The following SLC20A2 variants were observed in gnomAD, a reference collection of about 807,000 sequenced individuals.
SLC20A2 encodes the protein solute carrier family 20 member 2.
In SLC20A2, 30 loss-of-function variants were observed where a neutral mutation model predicts 61.0. That is an observed-to-expected ratio of 0.49 (90% confidence interval 0.37 to 0.67). SLC20A2 has a LOEUF of 0.67. SLC20A2 is among the 30% of genes least tolerant of loss of function. SLC20A2 has a pLI of 0.00. For synonymous variants in SLC20A2, 351 were observed against 353.3 expected, an observed-to-expected ratio of 0.99 and a Z score of 0.07; for missense variants, 626 against 866.4, an observed-to-expected ratio of 0.72 and a Z score of 3.48.
intron 2 of SLC20A2, chr8:42,471,013 A>G (rs1807597460): frequency 2.9e-6 from 1 of 347,506 alleles, no homozygotes; most frequent in African/African-American, 2.2e-5. Context: ...TGTAAGTGAC[A>G]AAATAAAGAA....
chr8:42,487,741 A>G (rs1809147531), intron 1 of SLC20A2, among the ~76,000 whole-genome samples: 1 of 152,236 alleles, frequency 6.6e-6, no homozygotes, highest in Non-Finnish European at 1.5e-5. Flanking sequence ...ATGGTAAAAT[A>G]CACATCGCAT....
At chr8:42,428,932 T>A in intron 9 of SLC20A2, 90 bp from the exon 10 acceptor site, 1 of 1,065,974 alleles carries the variant, frequency 9.4e-7, no homozygotes, top group Non-Finnish European at 1.3e-6. Flanking sequence ...CAGAACATTC[T>A]CTGGGGTGAC....
At chr8:42,466,166 GCT>G (rs1194669114) in intron 2 of SLC20A2, among the ~76,000 whole-genome samples, 1 of 152,168 alleles carries the variant, frequency 6.6e-6, no homozygotes, top group Non-Finnish European at 1.5e-5. Context: ...AGCTAGTCCT[GCT>G]CTGTTGCCCA....
intron 8 of SLC20A2, 77 bp downstream of exon 8, chr8:42,436,912 A>G (rs1221437084): frequency 1.1e-5 from 15 of 1,338,738 alleles, no homozygotes; most frequent in African/African-American, 1.5e-5. Flanking sequence ...TCACTGCTGG[A>G]TCCCGGCACC....
At chr8:42,495,591 T>C (rs979980103) in intron 1 of SLC20A2, among the ~76,000 whole-genome samples, 5 of 152,324 alleles carry the variant, frequency 3.3e-5, no homozygotes, top group South Asian at 2.1e-4. Context: ...GGTTGAAAGA[T>C]TGAAAGACTG....
intron 5 of SLC20A2, among the ~76,000 whole-genome samples, chr8:42,445,571 C>T (rs1182939058): frequency 6.6e-6 from 1 of 151,990 alleles, no homozygotes; most frequent in Admixed American, 6.6e-5. Context: ...ACTAAAAATA[C>T]AAAAACTTAG....
chr8:42,511,429 C>T (rs1017445011), intron 1 of SLC20A2, among the ~76,000 whole-genome samples: 2 of 152,034 alleles, frequency 1.3e-5, no homozygotes, highest in Admixed American at 6.6e-5. Flanking sequence ...AAGTTCAACA[C>T]CAGCCTGGCC....
In SLC20A2 at chr8:42,417,956, C is replaced by T. The variant is rs776075101; in HGVS notation, c.1806G>A (p.Val602=). Residue 602 remains valine (V), a synonymous_variant, in exon 11 of 11, where the codon GTG becomes GTA. Coordinates refer to ENST00000520262, the MANE Select transcript of SLC20A2 (RefSeq NM_001257180.2). ...VSTTHCKVGS[V]VAVGWIRSRK... ...GGGAGCGGATCCAGCCCACGGCCAC[C>T]ACCGAGCCCACCTGTGGGAGCAGAC... 6.8e-6 allele frequency: 11 copies of T among 1,613,366 alleles called. No individual in the cohort carries two copies. In the South Asian group the frequency reaches 1.1e-4, roughly 16 times the overall value.
intron 1 of SLC20A2, among the ~76,000 whole-genome samples, chr8:42,498,562 G>A (rs1304525144): frequency 1.3e-5 from 2 of 152,092 alleles, no homozygotes; most frequent in African/African-American, 4.8e-5. Context: ...CATGTGCTGT[G>A]GGGTGCTTAA....
upstream of SLC20A2, chr8:42,502,456 T>C (rs55837592): frequency 0.38 from 57,381 of 152,186 alleles, 11,248 homozygotes; most frequent in Admixed American, 0.46. Flanking sequence ...TCCTGCAACA[T>C]GGATCCCTAA....
At chr8:42,490,913 GCT>G (rs1554568831) in intron 1 of SLC20A2, among the ~76,000 whole-genome samples, 2 of 150,372 alleles carry the variant, frequency 1.3e-5, no homozygotes, top group Non-Finnish European at 3.0e-5. Context: ...TAACAGATGA[GCT>G]CTTTTATAAC....
intron 6 of SLC20A2, among the ~76,000 whole-genome samples, chr8:42,443,265 A>C (rs4436109): frequency 1.4e-4 from 2 of 13,992 alleles, no homozygotes; most frequent in Non-Finnish European, 2.5e-4. Context: ...TTATTATAGG[A>C]TATATATATA....
intron 8 of SLC20A2, among the ~76,000 whole-genome samples, chr8:42,430,682 GA>G (rs1251964639): frequency 1.3e-5 from 2 of 152,032 alleles, no homozygotes; most frequent in African/African-American, 4.8e-5. Flanking sequence ...TGTTTTTTAT[GA>G]ATTTGAGGTT....
intron 5 of SLC20A2, among the ~76,000 whole-genome samples, chr8:42,454,410 C>A (rs1168850235): frequency 5.3e-5 from 8 of 152,158 alleles, no homozygotes; most frequent in Admixed American, 5.2e-4. Flanking sequence ...GGTACCCCAC[C>A]TTCATTATCT....
At chr8:42,464,760 C>T (rs528211143) in intron 3 of SLC20A2, among the ~76,000 whole-genome samples, 1 of 152,186 alleles carries the variant, frequency 6.6e-6, no homozygotes, top group Non-Finnish European at 1.5e-5. Context: ...ATTGACTGAG[C>T]TCAAGAGTTC....
At chr8:42,500,029 T>A (rs1810219171) in intron 1 of SLC20A2, among the ~76,000 whole-genome samples, 1 of 152,214 alleles carries the variant, frequency 6.6e-6, no homozygotes, top group African/African-American at 2.4e-5. Flanking sequence ...AGTCTTTAAC[T>A]AAATCTTTTC....
At chr8:42,507,510 G>A (rs1810781148) in intron 1 of SLC20A2, among the ~76,000 whole-genome samples, 1 of 152,196 alleles carries the variant, frequency 6.6e-6, no homozygotes, top group Non-Finnish European at 1.5e-5. Flanking sequence ...GACTGCTGTT[G>A]TTTGAATACT....
chr8:42,493,432 C>T (rs768718738), intron 1 of SLC20A2, among the ~76,000 whole-genome samples: 4 of 152,342 alleles, frequency 2.6e-5, no homozygotes, highest in Non-Finnish European at 5.9e-5. Context: ...TTCTTTCCAT[C>T]ATCCCTCATC....
intron 5 of SLC20A2, among the ~76,000 whole-genome samples, chr8:42,447,462 G>C (rs1368653557): frequency 6.6e-6 from 1 of 152,138 alleles, no homozygotes; most frequent in Non-Finnish European, 1.5e-5. Context: ...CAGATCACAA[G>C]GTCAGGAGAT....
Sources: allele counts gnomAD v4.1 joint callset (sites outside exome capture counted in the v4.1 genomes callset), GRCh38; gene constraint gnomAD v4.1.1; transcripts MANE v1.5; gene names NCBI Gene and HGNC (gene_info 2026-07-23, HGNC 2026-07-21).